Variants in MACROD2 observed in about 807,000 individuals in gnomAD.
MACROD2 encodes the protein mono-ADP ribosylhydrolase 2, also known as ADP-ribose glycohydrolase MACROD2.
MACROD2 carries 36 observed loss-of-function variants against 70.4 expected under a neutral mutation model. The observed-to-expected ratio is 0.51, with a 90% CI of 0.39 to 0.68. The LOEUF is 0.68. MACROD2 is among the 30% of genes least tolerant of loss of function. The pLI, the probability that MACROD2 is intolerant of heterozygous loss-of-function variation, is 0.00. For missense variants in MACROD2, 496 were observed against 538.4 expected (o/e 0.92, Z 0.78); for synonymous variants, 172 against 178.8 (o/e 0.96, Z 0.30).
intron 12 of MACROD2, among the ~76,000 whole-genome samples, chr20:15,956,643 G>A (rs1332418980): frequency 6.6e-6 from 1 of 152,168 alleles, no homozygotes; most frequent in Non-Finnish European, 1.5e-5. Context: ...CTCAAAGAGT[G>A]TTCCCTGGAA....
At chr20:15,453,626 G>A (rs6079835) in intron 7 of MACROD2, among the ~76,000 whole-genome samples, 2 of 152,076 alleles carry the variant, frequency 1.3e-5, no homozygotes, top group East Asian at 3.9e-4. Flanking sequence ...GTACAAATGA[G>A]AAATCGAAGA....
chr20:15,984,066 C>T (rs990110205), intron 13 of MACROD2, among the ~76,000 whole-genome samples: 3 of 151,934 alleles, frequency 2.0e-5, no homozygotes, highest in Admixed American at 6.6e-5. Flanking sequence ...ACCTTGTAGA[C>T]ATATTTATCT....
At chr20:15,629,347 C>T (rs2049254288) in intron 8 of MACROD2, among the ~76,000 whole-genome samples, 1 of 152,142 alleles carries the variant, frequency 6.6e-6, no homozygotes, top group African/African-American at 2.4e-5. Context: ...AGAGTGAGGG[C>T]GTCTCTCTCC....
chr20:15,540,939 C>G (rs923779972), intron 8 of MACROD2, among the ~76,000 whole-genome samples: 1 of 152,190 alleles, frequency 6.6e-6, no homozygotes, highest in African/African-American at 2.4e-5. Flanking sequence ...TAGAGGCCCA[C>G]CTTACTGTAT....
intron 5 of MACROD2, among the ~76,000 whole-genome samples, chr20:15,110,362 G>C (rs2075945306): frequency 6.6e-6 from 1 of 152,146 alleles, no homozygotes; most frequent in Admixed American, 6.5e-5. Flanking sequence ...GATGAGTAAA[G>C]ATCTATGTGC....
chr20:14,232,073 T>G (rs2081819347), intron 3 of MACROD2, among the ~76,000 whole-genome samples: 2 of 152,224 alleles, frequency 1.3e-5, no homozygotes, highest in South Asian at 4.1e-4. Context: ...TGCAAAAATT[T>G]TCTCCCATTC....
chr20:14,912,205 G>T (rs1022173762), intron 5 of MACROD2, among the ~76,000 whole-genome samples: 1 of 152,092 alleles, frequency 6.6e-6, no homozygotes. Flanking sequence ...GCTTTCTGCC[G>T]TTATCTCTAG....
At chr20:14,242,114 T>A (rs2081934634) in intron 3 of MACROD2, among the ~76,000 whole-genome samples, 1 of 152,166 alleles carries the variant, frequency 6.6e-6, no homozygotes, top group Admixed American at 6.6e-5. Context: ...ATGTTCTCTG[T>A]TCATTTGGGT....
At chr20:14,720,719 A>G (rs890152389) in intron 5 of MACROD2, among the ~76,000 whole-genome samples, 2 of 150,770 alleles carry the variant, frequency 1.3e-5, no homozygotes, top group Non-Finnish European at 3.0e-5. Flanking sequence ...ACCTCCAGCT[A>G]ATTTTTGTAT....
chr20:15,983,421 AC>A (rs2066430594), intron 13 of MACROD2, among the ~76,000 whole-genome samples: 1 of 152,180 alleles, frequency 6.6e-6, no homozygotes, highest in Non-Finnish European at 1.5e-5. Flanking sequence ...CCACAATACC[AC>A]CACACATCTG....
chr20:14,399,329 A>T (rs1348511706), intron 3 of MACROD2, among the ~76,000 whole-genome samples: 1 of 152,048 alleles, frequency 6.6e-6, no homozygotes, highest in Non-Finnish European at 1.5e-5. Flanking sequence ...TATCTTTTTT[A>T]AAAAGACATT....
chr20:14,879,672 A>C (rs2073588946), intron 5 of MACROD2, among the ~76,000 whole-genome samples: 1 of 152,190 alleles, frequency 6.6e-6, no homozygotes, highest in Non-Finnish European at 1.5e-5. Context: ...CTTTCATCAC[A>C]AACTGTTGAG....
intron 2 of MACROD2, among the ~76,000 whole-genome samples, chr20:14,070,778 G>A (rs1420540368): frequency 6.6e-6 from 1 of 152,136 alleles, no homozygotes; most frequent in Non-Finnish European, 1.5e-5. Context: ...GTCTATGGGT[G>A]CCAAAATACA....
intron 15 of MACROD2, among the ~76,000 whole-genome samples, chr20:16,027,215 C>G (rs780518081): frequency 6.6e-6 from 1 of 152,160 alleles, no homozygotes; most frequent in Non-Finnish European, 1.5e-5. Context: ...GAACCGCATG[C>G]ATTTACTTCC....
chr20:14,498,156 C>A (rs1057065409), intron 4 of MACROD2, among the ~76,000 whole-genome samples: 3 of 151,644 alleles, frequency 2.0e-5, no homozygotes, highest in Non-Finnish European at 4.4e-5. Context: ...GTGTGACATA[C>A]TAAAATTCAT....
chr20:15,704,016 A>C (rs2050497146), intron 8 of MACROD2, among the ~76,000 whole-genome samples: 1 of 152,232 alleles, frequency 6.6e-6, no homozygotes, highest in African/African-American at 2.4e-5. Flanking sequence ...GTAATGACAC[A>C]GGAGCATGAA....
At chr20:15,305,231 GT>G (rs112879692) in intron 6 of MACROD2, among the ~76,000 whole-genome samples, 55 of 147,772 alleles carry the variant, frequency 3.7e-4, no homozygotes, top group Admixed American at 6.1e-4. Flanking sequence ...CCTTTTATTT[GT>G]TTTTTTTTTC....
At chr20:14,690,701 T>C (rs1051358919) in intron 5 of MACROD2, among the ~76,000 whole-genome samples, 3 of 152,104 alleles carry the variant, frequency 2.0e-5, no homozygotes, top group African/African-American at 7.2e-5. Flanking sequence ...CTCTGTTAGG[T>C]GTTAGCCAGG....
At chr20:14,497,213 C>T (rs775509545) in intron 4 of MACROD2, among the ~76,000 whole-genome samples, 2 of 151,668 alleles carry the variant, frequency 1.3e-5, no homozygotes, top group Non-Finnish European at 2.9e-5. Context: ...GCTTGAAAGT[C>T]GATACAATGG....
Sources: allele counts gnomAD v4.1 joint callset (sites outside exome capture counted in the v4.1 genomes callset), GRCh38; gene constraint gnomAD v4.1.1; transcripts MANE v1.5; gene names NCBI Gene and HGNC (gene_info 2026-07-23, HGNC 2026-07-21).